Variants in UGGT2 observed in about 807,000 individuals in gnomAD.
The protein encoded by UGGT2 is UDP-glucose glycoprotein glucosyltransferase 2.
UGGT2 carries 180 observed loss-of-function variants against 192.1 expected under a neutral mutation model. The ratio of observed to expected loss-of-function variants is 0.94; its 90% confidence interval spans 0.83 to 1.06. The LOEUF (loss-of-function observed/expected upper bound fraction) is 1.06. Ranked by LOEUF, UGGT2 falls within the 50% of genes least tolerant of loss-of-function variation. The pLI, the probability that UGGT2 is intolerant of heterozygous loss-of-function variation, is 0.00. For missense variants in UGGT2, 1,849 were observed against 1,795.7 expected (o/e 1.03, Z -0.54); for synonymous variants, 580 against 591.0 (o/e 0.98, Z 0.27).
chr13:95,843,948 TTTTA>T (rs1185107066), intron 36 of UGGT2, among the ~76,000 whole-genome samples: 1 of 152,064 alleles, frequency 6.6e-6, no homozygotes, highest in Admixed American at 6.5e-5. Flanking sequence ...TGATTTTATT[TTTTA>T]TTTATTTTTA....
intron 20 of UGGT2, among the ~76,000 whole-genome samples, chr13:95,910,202 G>C (rs1379947577): frequency 6.6e-6 from 1 of 152,076 alleles, no homozygotes; most frequent in Non-Finnish European, 1.5e-5. Flanking sequence ...AAAATAACCA[G>C]CAAACATCAT....
chr13:95,903,494 A>G (rs1253131711), intron 20 of UGGT2, among the ~76,000 whole-genome samples: 2 of 152,184 alleles, frequency 1.3e-5, no homozygotes, highest in African/African-American at 2.4e-5. Context: ...ATTTATGGTA[A>G]TAACAACTTT....
chr13:95,878,739 T>C (rs2047411809), intron 27 of UGGT2, among the ~76,000 whole-genome samples: 1 of 152,204 alleles, frequency 6.6e-6, no homozygotes, highest in East Asian at 1.9e-4. Flanking sequence ...TTGTTTAGTG[T>C]GTTTAGGATA....
At chr13:95,930,183 A>C (rs2049198321) in intron 17 of UGGT2, among the ~76,000 whole-genome samples, 1 of 152,092 alleles carries the variant, frequency 6.6e-6, no homozygotes. Flanking sequence ...ATTTTGTCGG[A>C]TATACAGTTT....
intron 38 of UGGT2, among the ~76,000 whole-genome samples, chr13:95,806,870 T>C (rs909466392): frequency 6.6e-6 from 1 of 152,168 alleles, no homozygotes; most frequent in Non-Finnish European, 1.5e-5. Context: ...CTTCATATCA[T>C]ATTTAAAAAT....
At chr13:95,817,402 T>C (rs1398553289) in intron 38 of UGGT2, among the ~76,000 whole-genome samples, 2 of 152,026 alleles carry the variant, frequency 1.3e-5, no homozygotes, top group Admixed American at 6.6e-5. Context: ...CTGGACAACA[T>C]AGCAAGACCC....
intron 29 of UGGT2, among the ~76,000 whole-genome samples, chr13:95,872,705 A>C (rs1434342664): frequency 6.6e-6 from 1 of 152,220 alleles, no homozygotes; most frequent in Non-Finnish European, 1.5e-5. Context: ...TCTGTGAATG[A>C]GAAAAAACAA....
chr13:95,829,790 A>T (rs1886462502), intron 38 of UGGT2, among the ~76,000 whole-genome samples: 1 of 151,986 alleles, frequency 6.6e-6, no homozygotes, highest in African/African-American at 2.4e-5. Context: ...TTTAAAGTTC[A>T]TATGGAACCA....
intron 36 of UGGT2, among the ~76,000 whole-genome samples, chr13:95,852,855 G>C (rs1889187365): frequency 6.6e-6 from 1 of 152,058 alleles, no homozygotes; most frequent in Non-Finnish European, 1.5e-5. Flanking sequence ...TTAAAGATGA[G>C]AGAGAGAGAC....
chr13:95,907,411 C>A (rs1457726231), intron 20 of UGGT2, among the ~76,000 whole-genome samples: 1 of 151,972 alleles, frequency 6.6e-6, no homozygotes, highest in Non-Finnish European at 1.5e-5. Flanking sequence ...CAATGCTTCT[C>A]CAAGCATGGT....
At chr13:95,867,905 T>A (rs988609123) in intron 29 of UGGT2, among the ~76,000 whole-genome samples, 6 of 152,198 alleles carry the variant, frequency 3.9e-5, no homozygotes, top group African/African-American at 1.4e-4. Context: ...ACTGAAAATG[T>A]GTCTATGATG....
At chr13:95,961,390 G>A (rs536717457) in intron 12 of UGGT2, among the ~76,000 whole-genome samples, 1 of 152,134 alleles carries the variant, frequency 6.6e-6, no homozygotes, top group Non-Finnish European at 1.5e-5. Context: ...ATATAAACTG[G>A]AAGTAAAGGA....
At chr13:96,046,603 G>A (rs2053317606) in intron 1 of UGGT2, among the ~76,000 whole-genome samples, 1 of 152,324 alleles carries the variant, frequency 6.6e-6, no homozygotes, top group East Asian at 1.9e-4. Flanking sequence ...TCTCATTGGG[G>A]CTTGTCAGAC....
intron 19 of UGGT2, 67 bp downstream of exon 19, chr13:95,926,961 A>T: frequency 8.0e-6 from 11 of 1,380,702 alleles, no homozygotes; most frequent in Non-Finnish European, 1.1e-5. Context: ...TTATTATACA[A>T]CTGCCTTATG....
At chr13:95,832,702 C>T (rs1159847728) in intron 38 of UGGT2, 5 of 616,436 alleles carry the variant, frequency 8.1e-6, no homozygotes, top group Non-Finnish European at 1.5e-5. Flanking sequence ...ACTATCTATC[C>T]ATATAGAGTT....
intron 20 of UGGT2, among the ~76,000 whole-genome samples, chr13:95,907,291 G>A (rs559300732): frequency 7.5e-4 from 115 of 152,354 alleles, no homozygotes; most frequent in African/African-American, 2.1e-3. Context: ...GCAGCTCAGC[G>A]AGGCCTACTG....
At chr13:95,922,388 G>C (rs529629533) in intron 20 of UGGT2, among the ~76,000 whole-genome samples, 2 of 152,264 alleles carry the variant, frequency 1.3e-5, no homozygotes, top group East Asian at 3.9e-4. Context: ...AGAATCATTA[G>C]AAGCTCCAGC....
intron 15 of UGGT2, among the ~76,000 whole-genome samples, chr13:95,943,399 T>C (rs2140557267): frequency 6.6e-6 from 1 of 152,100 alleles, no homozygotes; most frequent in Admixed American, 6.5e-5. Context: ...AAAACTGACC[T>C]TCCCCCCAGC....
intron 38 of UGGT2, among the ~76,000 whole-genome samples, chr13:95,807,715 C>CTTTTTTT (rs200081851): frequency 2.1e-5 from 1 of 48,040 alleles, no homozygotes; most frequent in African/African-American, 1.2e-4. Context: ...TCAGCCCTCA[C>CTTTTTTT]CTTTTTTTTT....
Sources: gnomAD v4.1 joint callset for allele counts (sites outside exome capture counted in the v4.1 genomes callset) on GRCh38, gnomAD v4.1.1 for gene constraint, MANE v1.5 for transcripts, NCBI Gene and HGNC (gene_info 2026-07-23, HGNC 2026-07-21) for gene names.